The following LINGO2 variants were observed in gnomAD, a reference collection of about 807,000 sequenced individuals.
LINGO2 encodes the protein leucine-rich repeat and immunoglobulin-like domain-containing nogo receptor-interacting protein 2.
Under a neutral mutation model 30.6 loss-of-function variants are expected in LINGO2, and 14 were observed. The observed-to-expected ratio is 0.46, with a 90% CI of 0.30 to 0.72. The LOEUF is 0.72. LINGO2 is among the 30% of genes least tolerant of loss of function. The pLI, the probability that LINGO2 is intolerant of heterozygous loss-of-function variation, is 0.07. For synonymous variants in LINGO2, 317 were observed against 288.5 expected (o/e 1.10, Z -1.00); for missense variants, 729 against 751.7 (o/e 0.97, Z 0.35).
chr9:28,395,530 A>C (rs534977352), intron 2 of LINGO2, among the ~76,000 whole-genome samples: 1 of 92,052 alleles, frequency 1.1e-5, no homozygotes, highest in South Asian at 3.0e-4. Flanking sequence ...AAATAACAGA[A>C]GTGAAAAAAA....
chr9:28,460,611 A>T (rs1005381614), intron 2 of LINGO2, among the ~76,000 whole-genome samples: 6 of 152,184 alleles, frequency 3.9e-5, no homozygotes, highest in African/African-American at 1.4e-4. Context: ...GGGGAAATTG[A>T]AAATCTTCCT....
At chr9:28,941,644 C>G in the LINGO2 span, among the ~76,000 whole-genome samples, 7 of 152,124 alleles carry the variant, frequency 4.6e-5, no homozygotes, top group Non-Finnish European at 1.0e-4. Context: ...GTTTTCAGAG[C>G]TATTATATGC....
intron 2 of LINGO2, among the ~76,000 whole-genome samples, chr9:28,439,579 A>G (rs1162796517): frequency 6.6e-6 from 1 of 151,882 alleles, no homozygotes; most frequent in Non-Finnish European, 1.5e-5. Context: ...CATGAGATCT[A>G]GTTGTTTTAA....
chr9:29,119,808 G>C, the LINGO2 span, among the ~76,000 whole-genome samples: 1 of 151,978 alleles, frequency 6.6e-6, no homozygotes, highest in Non-Finnish European at 1.5e-5. Context: ...ATGTTGGCCA[G>C]GCTGGTCTCG....
the LINGO2 span, among the ~76,000 whole-genome samples, chr9:28,923,954 T>C: frequency 1.5e-5 from 2 of 136,952 alleles, no homozygotes; most frequent in African/African-American, 3.5e-5. Flanking sequence ...GTAGGCACTG[T>C]CACAGACTCA....
intron 4 of LINGO2, among the ~76,000 whole-genome samples, chr9:28,177,410 G>A (rs1182597033): frequency 6.6e-6 from 1 of 152,120 alleles, no homozygotes; most frequent in Non-Finnish European, 1.5e-5. Flanking sequence ...TCTGATTTCT[G>A]AAGGTCATAT....
chr9:28,083,568 T>C (rs1825830537), intron 4 of LINGO2, among the ~76,000 whole-genome samples: 1 of 152,120 alleles, frequency 6.6e-6, no homozygotes, highest in Admixed American at 6.6e-5. Context: ...CAGAATCCCC[T>C]TCTCTTTATG....
chr9:28,956,539 A>C, the LINGO2 span, among the ~76,000 whole-genome samples: 1 of 151,414 alleles, frequency 6.6e-6, no homozygotes, highest in Non-Finnish European at 1.5e-5. Flanking sequence ...TGCTAACATA[A>C]TCAAGTTTGA....
At chr9:28,628,332 T>C (rs1317099178) in intron 1 of LINGO2, among the ~76,000 whole-genome samples, 1 of 152,114 alleles carries the variant, frequency 6.6e-6, no homozygotes, top group Non-Finnish European at 1.5e-5. Context: ...TATGGATAAA[T>C]ACAGGAGTTC....
intron 1 of LINGO2, among the ~76,000 whole-genome samples, chr9:28,535,280 A>G (rs949724123): frequency 2.0e-5 from 3 of 152,176 alleles, no homozygotes; most frequent in African/African-American, 4.8e-5. Context: ...AATCTAATTC[A>G]AAGGTGAAAA....
chr9:28,804,236 T>C, the LINGO2 span, among the ~76,000 whole-genome samples: 1 of 152,126 alleles, frequency 6.6e-6, no homozygotes, highest in South Asian at 2.1e-4. Flanking sequence ...TTCAGACCTT[T>C]ATATACAGTT....
the LINGO2 span, among the ~76,000 whole-genome samples, chr9:28,899,993 T>G: frequency 2.4e-4 from 37 of 152,106 alleles, no homozygotes; most frequent in African/African-American, 8.7e-4. Context: ...AGGTTCCAGG[T>G]CAGCCCCGCA....
chr9:28,559,666 C>CT (rs988750337), intron 1 of LINGO2, among the ~76,000 whole-genome samples: 2 of 152,052 alleles, frequency 1.3e-5, no homozygotes, highest in Admixed American at 6.6e-5. Flanking sequence ...TCAAAATTCT[C>CT]TTTTTTTCAC....
chr9:28,218,543 T>G (rs573353687), intron 4 of LINGO2, among the ~76,000 whole-genome samples: 33 of 152,214 alleles, frequency 2.2e-4, no homozygotes, highest in African/African-American at 7.7e-4. Context: ...CTAATAATTT[T>G]GTATCATCTC....
At chr9:28,226,642 G>GGAAAGAAAGAAAGAAA (rs397959896) in intron 4 of LINGO2, among the ~76,000 whole-genome samples, 9 of 53,260 alleles carry the variant, frequency 1.7e-4, no homozygotes, top group African/African-American at 5.6e-4. Context: ...AAGGAAAGAA[G>GGAAAGAAAGAAAGAAA]GAAAGAAAGA....
At chr9:27,954,109 A>G (rs967457859) in intron 5 of LINGO2, among the ~76,000 whole-genome samples, 1 of 152,210 alleles carries the variant, frequency 6.6e-6, no homozygotes, top group African/African-American at 2.4e-5. Flanking sequence ...TTATGTAACA[A>G]TGTGATATTT....
chr9:28,706,646 A>C, the LINGO2 span, among the ~76,000 whole-genome samples: 1 of 152,136 alleles, frequency 6.6e-6, no homozygotes, highest in Admixed American at 6.6e-5. Flanking sequence ...AAATAGGCCA[A>C]TAACCTTCAC....
chr9:29,072,783 A>G, the LINGO2 span, among the ~76,000 whole-genome samples: 998 of 151,382 alleles, frequency 6.6e-3, 16 homozygotes, highest in African/African-American at 0.023. Context: ...GGTAGCCACT[A>G]GTGCACATGG....
At chr9:28,410,496 A>T (rs1363821257) in intron 2 of LINGO2, among the ~76,000 whole-genome samples, 6 of 152,144 alleles carry the variant, frequency 3.9e-5, no homozygotes, top group Non-Finnish European at 8.8e-5. Context: ...CTCATAGAAC[A>T]ATCATACAAC....
Sources: gnomAD v4.1 joint callset for allele counts (sites outside exome capture counted in the v4.1 genomes callset) on GRCh38, gnomAD v4.1.1 for gene constraint, MANE v1.5 for transcripts, NCBI Gene and HGNC (gene_info 2026-07-23, HGNC 2026-07-21) for gene names.